Variants in VCP observed in about 807,000 individuals in gnomAD.
VCP encodes the protein valosin containing protein, also known as transitional endoplasmic reticulum ATPase.
A neutral mutation model predicts 85.7 loss-of-function variants in VCP; 6 were observed. The ratio of observed to expected loss-of-function variants is 0.07; its 90% CI spans 0.04 to 0.14. The LOEUF (loss-of-function observed/expected upper bound fraction) is 0.14. VCP is among the 10% of genes least tolerant of loss of function. The probability of loss-of-function intolerance (pLI) is 1.00; values close to 1 mark genes in which losing one functional copy is unlikely to be tolerated. For missense variants in VCP, 353 were observed against 1,043.4 expected, an observed-to-expected ratio of 0.34 and a Z score of 9.12; for synonymous variants, 384 against 367.1, an observed-to-expected ratio of 1.05 and a Z score of -0.53.
At position 35,059,056 on chromosome 9, in the gene VCP, A is replaced by G. The variant is rs564249854; in HGVS notation, c.2160+8T>C. On this transcript the variant is annotated splice_region_variant and intron_variant, in intron 15 of 16. Transcript: ENST00000358901. The surrounding 1 kb of genome is among the most constrained non-coding windows in gnomAD (Gnocchi z 4.9). ...ATTGGCACATCTGGGGAAAGGATGC[A>G]GACTCACCATGGCTGATGGGTTTGT... is the stretch of plus-strand genomic sequence containing the variant. 1 of 1,613,876 alleles carries G rather than the reference A, an allele frequency of 6.2e-7. No individual in the cohort carries two copies. Among genetic ancestry groups the G allele is most frequent in the Non-Finnish European group, 8.5e-7 (1 of 1,180,010 alleles).
intron 13 of VCP, 54 bp downstream of exon 13, chr9:35,060,259 T>C (rs1250261917): frequency 5.0e-6 from 8 of 1,584,490 alleles, no homozygotes; most frequent in Middle Eastern, 1.7e-4. Flanking sequence ...AAAAACAGCC[T>C]CTATTCCTTG....
chr9:35,062,163 G>C (rs1412222253), intron 8 of VCP, 25 bp from the exon 9 acceptor site: 5 of 1,614,066 alleles, frequency 3.1e-6, no homozygotes, highest in East Asian at 2.2e-5. Flanking sequence ...TGTCTGGTCA[G>C]AAGTGAAGTC....
intron 7 of VCP, among the ~76,000 whole-genome samples, 186 bp from the exon 8 acceptor site, chr9:35,062,536 A>G (rs1828746434): frequency 6.6e-6 from 1 of 152,174 alleles, no homozygotes; most frequent in Non-Finnish European, 1.5e-5. Context: ...GCTGGAGAGA[A>G]GCCCAGGGAC....
chr9:35,068,445 A>G, intron 1 of VCP, 83 bp from the exon 2 acceptor site: 3 of 1,234,236 alleles, frequency 2.4e-6, no homozygotes, highest in Non-Finnish European at 3.6e-6. Context: ...GGAAAGAAAC[A>G]GTGAATAGAT....
rs1195805928 is a variant in VCP at position 35,067,980 on chromosome 9, G to A, written c.213C>T (p.Val71=). The change falls in exon 3 of 17, where the codon GTC becomes GTT. Residue 71 remains valine, a synonymous_variant. Transcript: ENST00000358901. ...GKKRREAVCI[V]LSDDTCSDEK... ...CATCAGAACAAGTATCATCAGAAAG[G>A]ACGATGCAAACAGCTTCTCGTCTCT... 4 of 1,614,102 alleles carry A rather than the reference G, an allele frequency of 2.5e-6. No individual in the cohort carries two copies. The highest frequency in any genetic ancestry group is 2.5e-6 in the Non-Finnish European group (3 of 1,180,062).
chr9:35,060,254 C>A, intron 13 of VCP, 59 bp downstream of exon 13: 2 of 1,563,200 alleles, frequency 1.3e-6, no homozygotes, highest in Non-Finnish European at 1.8e-6. Flanking sequence ...TAAAGAAAAA[C>A]AGCCTCTATT....
chr9:35,063,150 TC>T, intron 6 of VCP, 70 bp from the exon 7 acceptor site: 1 of 1,383,248 alleles, frequency 7.2e-7, no homozygotes, highest in Non-Finnish European at 1.0e-6. Context: ...TGACTAGCGC[TC>T]CAGAGAGGGT....
At chr9:35,067,436 G>A (rs1828855312) in intron 3 of VCP, among the ~76,000 whole-genome samples, 2 of 151,982 alleles carry the variant, frequency 1.3e-5, no homozygotes, top group South Asian at 2.1e-4. Context: ...CCTCTCTCCC[G>A]GGTTAACTTA....
intron 13 of VCP, 96 bp downstream of exon 13, chr9:35,060,217 C>T: frequency 1.6e-6 from 2 of 1,271,152 alleles, no homozygotes; most frequent in Non-Finnish European, 2.2e-6. Flanking sequence ...AGTTGAGCAG[C>T]CAGCACTAAG....
rs746237606 is a variant in VCP, at chr9:35,060,885, T to C, written c.1398A>G (p.Glu466=). ...LSQSNPSALR[E]TVVEVPQVTW... ...TTACCTGTGGCACCTCTACCACGGT[T>C]TCCCGCAGTGCTGATGGGTTACTCT... Residue 466 remains glutamate, a synonymous_variant, in exon 12 of 17, where the codon GAA becomes GAG. Transcript: ENST00000358901. 5 of 1,614,042 alleles carry C rather than the reference T, an allele frequency of 3.1e-6. No individual in the cohort carries two copies. In the Admixed American group the frequency reaches 5.0e-5, roughly 16 times the overall value.
rs531798055 is a variant in VCP at position 35,066,406 on chromosome 9, T to G, written c.445+269A>C. 2.0e-3 allele frequency among the ~76,000 whole-genome samples: 295 copies of G among 150,176 alleles called. 1 individual carries two copies. Among genetic ancestry groups the G allele is most frequent in the South Asian group, 4.3e-3 (20 of 4,664 alleles). ...CCTCCCAGGTAGCTGGGATTACAGG[T>G]GCCCACGATGGGGTTTCGCCATGTT... On this transcript the variant is annotated intron_variant, in intron 4 of 16. Transcript: ENST00000358901.
In VCP at chr9:35,059,322, T is replaced by G; in HGVS notation, c.2005-103A>C. ...TCCCAACTACAGTTTGCCCCTTCTT[T>G]GGCCACCCCATTTTATTCCTGATTC... On this transcript the variant is annotated intron_variant, in intron 14 of 16. Coordinates refer to ENST00000358901, the MANE Select transcript of VCP (RefSeq NM_007126.5). The surrounding 1 kb of genome is among the most constrained non-coding windows in gnomAD (Gnocchi z 4.9). The G allele has an allele frequency of 2.6e-6, 4 of 1,564,270 alleles. No homozygotes were observed. In the South Asian group the frequency reaches 4.6e-5, roughly 18 times the overall value.
chr9:35,065,104 G>A, intron 5 of VCP, 147 bp downstream of exon 5: 2 of 1,203,410 alleles, frequency 1.7e-6, no homozygotes, highest in Non-Finnish European at 2.4e-6. Flanking sequence ...CTGACCTCAA[G>A]TGATCTGCCC....
chr9:35,067,632 A>C (rs1332753680), intron 3 of VCP, among the ~76,000 whole-genome samples: 3 of 152,258 alleles, frequency 2.0e-5, no homozygotes. Flanking sequence ...CACCTCTAGT[A>C]GGAAAAAATA....
At position 35,072,327 on chromosome 9, in the gene VCP, G is replaced by A; in HGVS notation, c.17+10C>T. ...CCGCCGCAGCAAGCGAACGGCGCGC[G>A]CACACTCACTCGGCTCCAGAAGCCA... On this transcript the variant is annotated intron_variant, in intron 1 of 16. Coordinates refer to ENST00000358901, the MANE Select transcript of VCP (RefSeq NM_007126.5). The A allele has an allele frequency of 6.7e-7, 1 of 1,485,962 alleles. No homozygotes were observed. The highest frequency in any genetic ancestry group is 2.3e-5 in the Admixed American group (1 of 43,914). 92.0% of individuals were successfully genotyped at this position (1,485,962 alleles called of 1,614,324 possible).
At position 35,067,627 on chromosome 9, in the gene VCP, C is replaced by G. The variant is rs541158521; in HGVS notation, c.302+264G>C. Among the ~76,000 whole-genome samples the G allele has an allele frequency of 3.9e-5, 6 of 152,254 alleles. No homozygotes were observed. In the East Asian group the frequency reaches 1.2e-3, roughly 29 times the overall value. On this transcript the variant is annotated intron_variant, in intron 3 of 16. Transcript: ENST00000358901. Reference sequence around the variant, plus strand: ...GATATAAGTATGATAAATTACACCTCTAGTAGGAAAAAATAAAGCCATCAA... The same window carrying G: ...GATATAAGTATGATAAATTACACCTGTAGTAGGAAAAAATAAAGCCATCAA...
Position 35,065,387 on chromosome 9 carries a change from A to G in VCP, c.446-6T>C, listed in dbSNP as rs1393990911. On this transcript the variant is annotated splice_region_variant and splice_polypyrimidine_tract_variant and intron_variant, in intron 4 of 16. Transcript: ENST00000358901. ...ACGGACAAGAAAAATGTCTCCTGCG[A>G]GAGCAAACAGTACAAGCACAGTTAG... 2 of 1,614,172 alleles carry G rather than the reference A, an allele frequency of 1.2e-6. No individual in the cohort carries two copies. The highest frequency in any genetic ancestry group is 1.7e-6 in the Non-Finnish European group (2 of 1,180,004).
rs142590753 is a variant in VCP at position 35,066,405 on chromosome 9, G to A, written c.445+270C>T. Among the ~76,000 whole-genome samples, 365 of 151,286 alleles carry A rather than the reference G, an allele frequency of 2.4e-3. 2 individuals carry two copies. The highest frequency in any genetic ancestry group is 8.2e-3 in the African/African-American group (339 of 41,318). ...GCCTCCCAGGTAGCTGGGATTACAGGTGCCCACGATGGGGTTTCGCCATGT... is the reference window on the plus strand; with the variant it reads ...GCCTCCCAGGTAGCTGGGATTACAGATGCCCACGATGGGGTTTCGCCATGT... On this transcript the variant is annotated intron_variant, in intron 4 of 16. Coordinates refer to ENST00000358901, the MANE Select transcript of VCP (RefSeq NM_007126.5).
intron 5 of VCP, 88 bp downstream of exon 5, chr9:35,065,163 C>G: frequency 6.3e-7 from 1 of 1,598,740 alleles, no homozygotes; most frequent in Non-Finnish European, 8.5e-7. Flanking sequence ...CCACCGCAGC[C>G]GGCCGAGCAC....
Sources: gnomAD v4.1 joint callset for allele counts (sites outside exome capture counted in the v4.1 genomes callset) on GRCh38, gnomAD v4.1.1 for gene constraint, Gnocchi (gnomAD v3.1) non-coding constraint, MANE v1.5 for transcripts, NCBI Gene and HGNC (gene_info 2026-07-23, HGNC 2026-07-21) for gene names.